DLGAP2: variants seen among roughly 807,000 people sequenced by gnomAD.
DLGAP2 encodes disks large-associated protein 2.
Under a neutral mutation model 100.3 loss-of-function variants are expected in DLGAP2, and 26 were observed. The observed-to-expected ratio is 0.26, with a 90% CI of 0.19 to 0.36. DLGAP2 has a LOEUF of 0.36. DLGAP2 is among the 10% of genes least tolerant of loss of function. DLGAP2 has a pLI of 1.00. For missense variants in DLGAP2, 1,858 were observed against 1,453.2 expected, an observed-to-expected ratio of 1.28 and a Z score of -4.53; for synonymous variants, 886 against 630.1, an observed-to-expected ratio of 1.41 and a Z score of -6.08.
intron 2 of DLGAP2, among the ~76,000 whole-genome samples, chr8:1,149,519 G>C (rs2129051379): frequency 6.6e-6 from 1 of 152,186 alleles, no homozygotes; most frequent in South Asian, 2.1e-4. Flanking sequence ...GTATATATCA[G>C]TTTTCTTTGG....
At chr8:1,309,407 A>C (rs11782058) in intron 3 of DLGAP2, among the ~76,000 whole-genome samples, 9,161 of 152,276 alleles carry the variant, frequency 0.06, 345 homozygotes, top group Middle Eastern at 0.17. Flanking sequence ...GAAAAAGCTT[A>C]TCTCTTGATT....
At chr8:1,202,476 C>T (rs1797900315) in intron 2 of DLGAP2, among the ~76,000 whole-genome samples, 1 of 152,064 alleles carries the variant, frequency 6.6e-6, no homozygotes, top group South Asian at 2.1e-4. Flanking sequence ...GAATCATTAC[C>T]CTTTCTGTAG....
At chr8:974,104 G>A (rs1412036646) in intron 2 of DLGAP2, among the ~76,000 whole-genome samples, 1 of 152,182 alleles carries the variant, frequency 6.6e-6, no homozygotes, top group East Asian at 1.9e-4. Context: ...AGAAATATTT[G>A]TAGTAAAAGT....
chr8:1,482,901 G>C (rs11774603), intron 3 of DLGAP2, among the ~76,000 whole-genome samples: 90,726 of 152,174 alleles, frequency 0.6, 27,381 homozygotes, highest in Admixed American at 0.68. Context: ...ACACGAGCGA[G>C]GACAGGGACC....
intron 6 of DLGAP2, among the ~76,000 whole-genome samples, chr8:1,572,138 T>G (rs1481322937): frequency 3.4e-3 from 148 of 43,570 alleles, no homozygotes; most frequent in Admixed American, 4.1e-3. Flanking sequence ...AGGGGCATCT[T>G]CTGGGATGGA....
At chr8:990,056 T>C (rs1020729720) in intron 2 of DLGAP2, among the ~76,000 whole-genome samples, 12 of 152,084 alleles carry the variant, frequency 7.9e-5, no homozygotes, top group Non-Finnish European at 1.8e-4. Flanking sequence ...TCATTACAGA[T>C]CACTGCTTCC....
At position 1,487,188 on chromosome 8, in the gene DLGAP2, T is replaced by C. The variant is rs141723959; in HGVS notation, c.107-14178T>C. Among the ~76,000 whole-genome samples the C allele has an allele frequency of 1.1e-3, 162 of 152,346 alleles. 1 individual carries two copies. The highest frequency in any genetic ancestry group is 3.8e-3 in the African/African-American group (159 of 41,590). On this transcript the variant is annotated intron_variant, in intron 3 of 14. Transcript: ENST00000637795. Reference sequence around the variant, plus strand: ...AAGAAGAATGATGCCTTAGGCATGATTGGTCCGTGAATAATAGGAAACCAG... The same window carrying C: ...AAGAAGAATGATGCCTTAGGCATGACTGGTCCGTGAATAATAGGAAACCAG...
intron 6 of DLGAP2, among the ~76,000 whole-genome samples, chr8:1,579,206 C>A (rs999878477): frequency 1.3e-5 from 2 of 151,978 alleles, no homozygotes; most frequent in Non-Finnish European, 2.9e-5. Flanking sequence ...ATGAAGGTAG[C>A]ACTTTAAATT....
intron 2 of DLGAP2, among the ~76,000 whole-genome samples, chr8:945,285 G>A (rs1799291427): frequency 6.6e-6 from 1 of 152,156 alleles, no homozygotes; most frequent in African/African-American, 2.4e-5. Flanking sequence ...CCTCCCTCCT[G>A]GGAGTGGATC....
chr8:1,294,547 G>A (rs1800128174), intron 3 of DLGAP2, among the ~76,000 whole-genome samples: 1 of 152,222 alleles, frequency 6.6e-6, no homozygotes, highest in African/African-American at 2.4e-5. Flanking sequence ...TTACAGCGAG[G>A]ATGGTGTGGC....
intron 2 of DLGAP2, among the ~76,000 whole-genome samples, chr8:1,252,120 A>G (rs1375171452): frequency 6.9e-6 from 1 of 144,598 alleles, no homozygotes; most frequent in Admixed American, 7.0e-5. Context: ...AAGTCATGTC[A>G]TGTCACACTT....
intron 3 of DLGAP2, among the ~76,000 whole-genome samples, chr8:1,321,231 CTG>C (rs1800893343): frequency 6.6e-6 from 1 of 151,286 alleles, no homozygotes; most frequent in African/African-American, 2.4e-5. Flanking sequence ...GTGTGTGCAT[CTG>C]TGTCTCTGCA....
intron 2 of DLGAP2, among the ~76,000 whole-genome samples, chr8:1,253,306 G>A (rs1799091805): frequency 6.6e-6 from 1 of 152,156 alleles, no homozygotes; most frequent in Non-Finnish European, 1.5e-5. Flanking sequence ...CTCCAGGAGA[G>A]CTGCCAGGGC....
At chr8:1,363,802 G>GGCT in intron 3 of DLGAP2, among the ~76,000 whole-genome samples, 1 of 152,228 alleles carries the variant, frequency 6.6e-6, no homozygotes, top group Non-Finnish European at 1.5e-5. Flanking sequence ...AGGCCTCAGA[G>GGCT]GCTGCGGGTG....
chr8:1,168,472 C>G (rs200040431), intron 2 of DLGAP2, among the ~76,000 whole-genome samples: 124,133 of 146,552 alleles, frequency 0.85, 52,747 homozygotes, highest in Middle Eastern at 0.88. Flanking sequence ...TTCCACAATG[C>G]TTGAACTAGT....
At chr8:1,340,183 T>G (rs996421117) in intron 3 of DLGAP2, among the ~76,000 whole-genome samples, 12 of 152,124 alleles carry the variant, frequency 7.9e-5, no homozygotes, top group African/African-American at 2.9e-4. Flanking sequence ...CTGGCAAAGA[T>G]TTCATGACAG....
intron 2 of DLGAP2, among the ~76,000 whole-genome samples, chr8:1,219,043 A>G: frequency 6.6e-6 from 1 of 152,192 alleles, no homozygotes; most frequent in Admixed American, 6.5e-5. Context: ...GGGGTTTTCT[A>G]GGTATAGAAT....
chr8:800,043 T>C (rs1796116388), intron 1 of DLGAP2, among the ~76,000 whole-genome samples: 1 of 152,082 alleles, frequency 6.6e-6, no homozygotes, highest in African/African-American at 2.4e-5. Flanking sequence ...TTTCTGGATG[T>C]CCTTTTAAAA....
chr8:840,818 C>T (rs1585920085), intron 1 of DLGAP2, among the ~76,000 whole-genome samples: 1 of 152,264 alleles, frequency 6.6e-6, no homozygotes, highest in Non-Finnish European at 1.5e-5. Context: ...ACTCTCGATT[C>T]TGTGAACACG....
Sources: gnomAD v4.1 joint callset for allele counts (sites outside exome capture counted in the v4.1 genomes callset) on GRCh38, gnomAD v4.1.1 for gene constraint, MANE v1.5 for transcripts, NCBI Gene and HGNC (gene_info 2026-07-23, HGNC 2026-07-21) for gene names.